PGR: variants seen among roughly 807,000 people sequenced by gnomAD.
The protein encoded by PGR is nuclear receptor subfamily 3 group C member 3.
In PGR, 25 loss-of-function variants were observed where a neutral mutation model predicts 76.1. That is an observed-to-expected ratio of 0.33 (90% CI 0.24 to 0.46). The LOEUF is 0.46. Among genes scored for constraint, PGR ranks in the 20% least tolerant of loss-of-function variants. PGR has a pLI of 1.00. For missense variants in PGR, 1,172 were observed against 1,225.3 expected (o/e 0.96, Z 0.65); for synonymous variants, 579 against 535.0 (o/e 1.08, Z -1.14).
Position 101,062,455 on chromosome 11 carries a change from G to A in PGR, c.2204C>T (p.Ser735Leu), listed in dbSNP as rs1860537097. ...ATAAAAATTATTATTACCTGGCAAT[G>A]ATTTAGACCACTTGACTACTGAAAG... ...QLLSVVKWSKSLPGFRNLHID... is the reference protein window; with the variant it reads ...QLLSVVKWSKLLPGFRNLHID... Residue 735 changes from serine to leucine, a missense_variant, in exon 4 of 8, where the codon TCA (serine) becomes TTA (leucine). Ser to Leu is a moderately radical substitution (Grantham distance 145). Coordinates refer to ENST00000325455, the MANE Select transcript of PGR (RefSeq NM_000926.4). 1 of 1,612,008 alleles carries A rather than the reference G, an allele frequency of 6.2e-7. No homozygotes were observed. The highest frequency in any genetic ancestry group is 8.5e-7 in the Non-Finnish European group (1 of 1,178,364).
intron 3 of PGR, among the ~76,000 whole-genome samples, chr11:101,078,186 G>C (rs892134100): frequency 1.1e-4 from 17 of 152,070 alleles, no homozygotes; most frequent in Non-Finnish European, 5.9e-5. Context: ...GTTGAATCTA[G>C]GTGGAGGAGG....
At chr11:101,106,436 C>T (rs934813018) in intron 2 of PGR, among the ~76,000 whole-genome samples, 1 of 152,116 alleles carries the variant, frequency 6.6e-6, no homozygotes, top group Non-Finnish European at 1.5e-5. Context: ...CAAAAAAAGA[C>T]ATTTATGCAG....
At chr11:101,105,403 G>C (rs942618416) in intron 2 of PGR, among the ~76,000 whole-genome samples, 5 of 152,004 alleles carry the variant, frequency 3.3e-5, no homozygotes, top group Non-Finnish European at 2.9e-5. Context: ...AAACCAAAGT[G>C]GTCAGTGGAG....
chr11:101,099,942 G>T (rs1861946274), intron 2 of PGR, among the ~76,000 whole-genome samples: 1 of 152,194 alleles, frequency 6.6e-6, no homozygotes, highest in Non-Finnish European at 1.5e-5. Flanking sequence ...AGAAGAAGCA[G>T]ATCTTATTTG....
intron 3 of PGR, among the ~76,000 whole-genome samples, chr11:101,078,034 A>T (rs1439666441): frequency 6.6e-6 from 1 of 152,194 alleles, no homozygotes; most frequent in Non-Finnish European, 1.5e-5. Flanking sequence ...TAAATTCAAG[A>T]ATTTTGCAGT....
intron 2 of PGR, among the ~76,000 whole-genome samples, chr11:101,097,622 T>C (rs1591411458): frequency 6.6e-6 from 1 of 152,198 alleles, no homozygotes; most frequent in Non-Finnish European, 1.5e-5. Flanking sequence ...TGTCACTTAT[T>C]GTCATATATA....
At chr11:101,099,976 C>T (rs899123029) in intron 2 of PGR, among the ~76,000 whole-genome samples, 1 of 152,148 alleles carries the variant, frequency 6.6e-6, no homozygotes, top group Non-Finnish European at 1.5e-5. Flanking sequence ...GCTTCAAGCT[C>T]AAAGCAGTGA....
intron 6 of PGR, among the ~76,000 whole-genome samples, chr11:101,048,279 G>A (rs1286290918): frequency 2.6e-5 from 4 of 152,156 alleles, no homozygotes; most frequent in Admixed American, 6.6e-5. Flanking sequence ...ATTTTATATA[G>A]TAAATACTTT....
intron 4 of PGR, among the ~76,000 whole-genome samples, chr11:101,052,247 T>C (rs1860115082): frequency 6.6e-6 from 1 of 151,560 alleles, no homozygotes; most frequent in Non-Finnish European, 1.5e-5. Flanking sequence ...TAAACTTCCG[T>C]GTGGCTTAAG....
intron 6 of PGR, among the ~76,000 whole-genome samples, chr11:101,049,097 C>A (rs773106764): frequency 4.3e-4 from 66 of 151,894 alleles, no homozygotes; most frequent in Non-Finnish European, 5.4e-4. Context: ...TAAATATTTT[C>A]TTTTTTGCTT....
At chr11:101,103,217 T>C (rs1366801793) in intron 2 of PGR, among the ~76,000 whole-genome samples, 3 of 152,108 alleles carry the variant, frequency 2.0e-5, no homozygotes, top group African/African-American at 7.2e-5. Context: ...AGGCTTGTTC[T>C]AGGTTGGGGA....
intron 2 of PGR, among the ~76,000 whole-genome samples, chr11:101,108,344 A>C (rs1390328102): frequency 6.6e-6 from 1 of 151,970 alleles, no homozygotes; most frequent in Non-Finnish European, 1.5e-5. Flanking sequence ...GTTCCAGACC[A>C]GCCTGCAACA....
intron 2 of PGR, among the ~76,000 whole-genome samples, chr11:101,094,503 T>C (rs1441128955): frequency 1.3e-5 from 2 of 152,182 alleles, no homozygotes; most frequent in African/African-American, 2.4e-5. Flanking sequence ...TTATTCCTTA[T>C]ATGTGGTGTG....
chr11:101,084,616 C>G (rs970097504), intron 3 of PGR, among the ~76,000 whole-genome samples: 15 of 88,394 alleles, frequency 1.7e-4, no homozygotes, highest in East Asian at 1.4e-3. Flanking sequence ...TGAGATTGCG[C>G]CACTGCACTC....
chr11:101,094,916 C>T (rs1276692517), intron 2 of PGR, among the ~76,000 whole-genome samples: 1 of 152,082 alleles, frequency 6.6e-6, no homozygotes, highest in Non-Finnish European at 1.5e-5. Flanking sequence ...GAATTTGGTC[C>T]TTTTTATCCT....
intron 3 of PGR, among the ~76,000 whole-genome samples, chr11:101,070,611 C>T (rs1286172659): frequency 6.6e-6 from 1 of 152,170 alleles, no homozygotes; most frequent in Non-Finnish European, 1.5e-5. Flanking sequence ...AGTGTGAAGT[C>T]GACCTGGGAC....
chr11:101,109,819 G>C (rs1862289368), intron 2 of PGR, among the ~76,000 whole-genome samples: 1 of 152,224 alleles, frequency 6.6e-6, no homozygotes, highest in African/African-American at 2.4e-5. Flanking sequence ...TTCAGAGCTA[G>C]ATAGGAGAAG....
At position 101,072,910 on chromosome 11, in the gene PGR, TCAACAAGA is replaced by T. The variant is rs1591390153; in HGVS notation, c.1907-10166_1907-10159del. Among the ~76,000 whole-genome samples, 6 of 152,262 alleles carry T rather than the reference TCAACAAGA, an allele frequency of 3.9e-5. No homozygotes were observed. The South Asian group carries it at 6.2e-4, about 16-fold the overall frequency. On this transcript the variant is annotated intron_variant, in intron 3 of 7. Transcript: ENST00000325455. ...CACCCTACTGTCAATATTAGACAGATCAACAAGACAGAAAATTAATAAGGATATCCAGG... is the reference window on the plus strand; with the variant it reads ...CACCCTACTGTCAATATTAGACAGATCAGAAAATTAATAAGGATATCCAGG...
In PGR at chr11:101,129,292, G is replaced by A. The variant is rs1372135688; in HGVS notation, c.-222C>T. 3.9e-6 allele frequency: 2 copies of A among 507,050 alleles called. No individual in the cohort carries two copies. Among genetic ancestry groups the A allele is most frequent in the Non-Finnish European group, 6.9e-6 (2 of 288,314 alleles). 31.4% of individuals were successfully genotyped at this position (507,050 alleles called of 1,614,324 possible). Reference sequence around the variant, plus strand: ...TGTCGTCAGGGGAACTGTGGCTGTCGTTTGTCCCAGCGAGCGGCAAGTGGG... The same window carrying A: ...TGTCGTCAGGGGAACTGTGGCTGTCATTTGTCCCAGCGAGCGGCAAGTGGG... On this transcript the variant is annotated 5_prime_UTR_variant, in exon 1 of 8. It adds an upstream start codon to the 5' untranslated region. Transcript: ENST00000325455.
Sources: gnomAD v4.1 joint callset for allele counts (sites outside exome capture counted in the v4.1 genomes callset) on GRCh38, gnomAD v4.1.1 for gene constraint, MANE v1.5 for transcripts, NCBI Gene and HGNC (gene_info 2026-07-23, HGNC 2026-07-21) for gene names.